The following ERBB4 variants were observed in gnomAD, a reference collection of about 807,000 sequenced individuals.
ERBB4 encodes the protein erb-b2 receptor tyrosine kinase 4, also known as receptor tyrosine-protein kinase erbB-4.
Under a neutral mutation model 158.0 loss-of-function variants are expected in ERBB4, and 42 were observed. The ratio of observed to expected loss-of-function variants is 0.27; its 90% CI spans 0.21 to 0.34. The LOEUF is 0.34. ERBB4 is among the 10% of genes least tolerant of loss of function. ERBB4 has a pLI of 1.00. For missense variants in ERBB4, 1,333 were observed against 1,624.1 expected (o/e 0.82, Z 3.08); for synonymous variants, 583 against 558.7 (o/e 1.04, Z -0.61).
intron 3 of ERBB4, among the ~76,000 whole-genome samples, chr2:211,804,922 CTT>C (rs201486236): frequency 5.8e-5 from 8 of 139,086 alleles, no homozygotes; most frequent in Non-Finnish European, 6.1e-5. Context: ...TCAAAATATT[CTT>C]TTTTTTTTTT....
chr2:211,381,629 A>G lies in ERBB4; in HGVS notation c.*1986T>C, dbSNP rs1176953379. ...TTTATCTGAGTGTTCCCCACAAAAC[A>G]TGGTGCTTTTAGTAGACACAGTTAG... On this transcript the variant is annotated 3_prime_UTR_variant, in exon 28 of 28. Coordinates refer to ENST00000342788, the MANE Select transcript of ERBB4 (RefSeq NM_005235.3). 1 of 231,500 alleles carries G rather than the reference A, an allele frequency of 4.3e-6. No individual in the cohort carries two copies. Among genetic ancestry groups the G allele is most frequent in the Admixed American group, 5.6e-5 (1 of 17,728 alleles). The allele number at this position is 231,500 out of a possible 1,614,324, so 14.3% of individuals were successfully genotyped here.
At chr2:211,883,819 T>C (rs769385898) in intron 3 of ERBB4, among the ~76,000 whole-genome samples, 2 of 152,066 alleles carry the variant, frequency 1.3e-5, no homozygotes, top group African/African-American at 2.4e-5. Flanking sequence ...TAAAATACGT[T>C]ACTCTTTGAA....
intron 1 of ERBB4, among the ~76,000 whole-genome samples, chr2:212,336,190 A>C (rs2088435280): frequency 6.6e-6 from 1 of 151,948 alleles, no homozygotes; most frequent in Non-Finnish European, 1.5e-5. Flanking sequence ...TTTTTGGCTT[A>C]TCTGTGACAG....
At chr2:211,920,331 T>C (rs1326757111) in intron 3 of ERBB4, among the ~76,000 whole-genome samples, 1 of 152,020 alleles carries the variant, frequency 6.6e-6, no homozygotes, top group Non-Finnish European at 1.5e-5. Context: ...ATCTTTGCTA[T>C]ATAGTTTTAT....
chr2:212,522,730 G>A (rs1482012795), intron 1 of ERBB4, among the ~76,000 whole-genome samples: 1 of 151,956 alleles, frequency 6.6e-6, no homozygotes, highest in Non-Finnish European at 1.5e-5. Context: ...CCCAATAATA[G>A]CCAAATTGAT....
chr2:212,191,130 G>A (rs1001864736), intron 1 of ERBB4, among the ~76,000 whole-genome samples: 1 of 151,898 alleles, frequency 6.6e-6, no homozygotes, highest in African/African-American at 2.4e-5. Context: ...CATAAAACAA[G>A]GGTTTAAGAA....
intron 1 of ERBB4, among the ~76,000 whole-genome samples, chr2:212,477,691 T>C (rs1689475338): frequency 6.6e-6 from 1 of 152,160 alleles, no homozygotes; most frequent in African/African-American, 2.4e-5. Context: ...TTAAATGCTG[T>C]GTCTTTTTTT....
chr2:211,947,308 T>G (rs2080727730), intron 3 of ERBB4, 122 bp downstream of exon 3: 2 of 802,186 alleles, frequency 2.5e-6, no homozygotes, highest in Non-Finnish European at 2.1e-6. Flanking sequence ...AACAAATAAA[T>G]CACTGATATT....
intron 1 of ERBB4, among the ~76,000 whole-genome samples, chr2:212,313,431 C>A (rs1406664847): frequency 6.6e-6 from 1 of 150,720 alleles, no homozygotes; most frequent in Non-Finnish European, 1.5e-5. Context: ...TCAGAACATG[C>A]CAAGTGTACA....
chr2:211,705,407 G>T lies in ERBB4; in HGVS notation c.1125-16C>A. ...GTAAGGGTCCCTAGAAAATCAAGAA[G>T]AGATGTAGCCAAATTTAAATTTTAC... is the stretch of plus-strand genomic sequence containing the variant. On this transcript the variant is annotated splice_polypyrimidine_tract_variant and intron_variant, in intron 9 of 27. Transcript: ENST00000342788. 1 of 1,528,070 alleles carries T rather than the reference G, an allele frequency of 6.5e-7. No homozygotes were observed. The highest frequency in any genetic ancestry group is 1.1e-5 in the South Asian group (1 of 89,244). 94.7% of individuals were successfully genotyped at this position (1,528,070 alleles called of 1,614,324 possible).
chr2:212,109,388 A>G (rs1256982680), intron 2 of ERBB4, among the ~76,000 whole-genome samples: 1 of 151,632 alleles, frequency 6.6e-6, no homozygotes, highest in Non-Finnish European at 1.5e-5. Context: ...AAACTAGGCC[A>G]CTCCCTTTTC....
chr2:212,128,022 ATTAAATAAATG>A (rs2079996078), intron 1 of ERBB4, among the ~76,000 whole-genome samples: 1 of 152,194 alleles, frequency 6.6e-6, no homozygotes, highest in South Asian at 2.1e-4. Context: ...TAAATTCCGC[ATTAAATAAATG>A]TTAAAAATCA....
At chr2:211,744,599 C>A (rs1454504374) in intron 5 of ERBB4, among the ~76,000 whole-genome samples, 1 of 152,178 alleles carries the variant, frequency 6.6e-6, no homozygotes, top group Non-Finnish European at 1.5e-5. Context: ...TCATTTCACC[C>A]TAACAAGTCA....
chr2:212,476,018 C>A (rs1015849402), intron 1 of ERBB4, among the ~76,000 whole-genome samples: 1 of 152,016 alleles, frequency 6.6e-6, no homozygotes, highest in Non-Finnish European at 1.5e-5. Flanking sequence ...AGCAATTATT[C>A]TTTGCCTATA....
chr2:211,864,036 G>A (rs1395395400), intron 3 of ERBB4, among the ~76,000 whole-genome samples: 1 of 152,138 alleles, frequency 6.6e-6, no homozygotes, highest in African/African-American at 2.4e-5. Flanking sequence ...GCAGTAGCAA[G>A]GGGCCAAGAC....
chr2:212,476,033 C>A (rs961401967), intron 1 of ERBB4, among the ~76,000 whole-genome samples: 1 of 151,972 alleles, frequency 6.6e-6, no homozygotes, highest in Non-Finnish European at 1.5e-5. Flanking sequence ...CCTATATCCT[C>A]CATATTTCAG....
intron 16 of ERBB4, among the ~76,000 whole-genome samples, chr2:211,631,971 T>C (rs2070151458): frequency 6.6e-6 from 1 of 152,046 alleles, no homozygotes; most frequent in Admixed American, 6.6e-5. Flanking sequence ...CTCAATAAAA[T>C]CTTGAAATTT....
intron 2 of ERBB4, among the ~76,000 whole-genome samples, chr2:212,003,849 A>G (rs193096735): frequency 3.3e-4 from 51 of 152,254 alleles, no homozygotes; most frequent in Admixed American, 3.1e-3. Flanking sequence ...CTCCCTGGCC[A>G]GATGACCTTG....
At chr2:211,977,750 G>T (rs1184968521) in intron 2 of ERBB4, among the ~76,000 whole-genome samples, 1 of 150,334 alleles carries the variant, frequency 6.7e-6, no homozygotes, top group Non-Finnish European at 1.5e-5. Flanking sequence ...TACCCTGGAG[G>T]CTGAGGCAGG....
Sources: gnomAD v4.1 joint callset for allele counts (sites outside exome capture counted in the v4.1 genomes callset) on GRCh38, gnomAD v4.1.1 for gene constraint, MANE v1.5 for transcripts, NCBI Gene and HGNC (gene_info 2026-07-23, HGNC 2026-07-21) for gene names.